The following ELMO1 variants were observed in gnomAD, a reference collection of about 807,000 sequenced individuals.
ELMO1 encodes the protein engulfment and cell motility protein 1.
A neutral mutation model predicts 98.9 loss-of-function variants in ELMO1; 26 were observed. That is an observed-to-expected ratio of 0.26 (90% CI 0.19 to 0.36). The LOEUF is 0.36. Ranked by LOEUF, ELMO1 falls within the 10% of genes least tolerant of loss-of-function variation. The probability of loss-of-function intolerance (pLI) is 1.00; values close to 1 mark genes in which losing one functional copy is unlikely to be tolerated. For synonymous variants in ELMO1, 346 were observed against 346.0 expected, an observed-to-expected ratio of 1.00 and a Z score of 0.00; for missense variants, 627 against 935.2, an observed-to-expected ratio of 0.67 and a Z score of 4.30.
intron 15 of ELMO1, among the ~76,000 whole-genome samples, chr7:37,051,637 C>T (rs928673061): frequency 1.3e-5 from 2 of 151,752 alleles, no homozygotes; most frequent in Non-Finnish European, 2.9e-5. Flanking sequence ...AAAGCATTTA[C>T]TAACTACATA....
chr7:37,370,311 C>T (rs984961012), intron 1 of ELMO1, among the ~76,000 whole-genome samples: 2 of 151,846 alleles, frequency 1.3e-5, no homozygotes, highest in East Asian at 1.9e-4. Flanking sequence ...CATTCATTTA[C>T]GGCTCTCCAC....
chr7:37,000,264 C>A (rs943366582), intron 16 of ELMO1, among the ~76,000 whole-genome samples: 5 of 152,174 alleles, frequency 3.3e-5, no homozygotes, highest in African/African-American at 4.8e-5. Context: ...AGGGAGCTTT[C>A]GGACAGAATC....
intron 4 of ELMO1, among the ~76,000 whole-genome samples, chr7:37,286,944 C>A (rs1797421234): frequency 6.6e-6 from 1 of 152,062 alleles, no homozygotes; most frequent in Admixed American, 6.5e-5. Flanking sequence ...CCTCTAATCC[C>A]AGCACTTTGG....
At chr7:37,404,052 C>G (rs188708556) in intron 1 of ELMO1, among the ~76,000 whole-genome samples, 11 of 151,818 alleles carry the variant, frequency 7.2e-5, no homozygotes, top group Admixed American at 2.0e-4. Flanking sequence ...TTCAGTAAAT[C>G]TAATACTTCT....
intron 13 of ELMO1, among the ~76,000 whole-genome samples, chr7:37,158,003 C>T (rs967151957): frequency 1.1e-4 from 17 of 152,128 alleles, no homozygotes; most frequent in Non-Finnish European, 1.5e-4. Flanking sequence ...TAACACCACA[C>T]ATCTACAACC....
At chr7:37,282,633 CA>C (rs1004651987) in intron 4 of ELMO1, among the ~76,000 whole-genome samples, 5 of 151,956 alleles carry the variant, frequency 3.3e-5, no homozygotes, top group African/African-American at 1.2e-4. Flanking sequence ...AAAAAAGAAA[CA>C]GGGGAAAAAA....
chr7:37,182,102 A>G (rs941542218), intron 13 of ELMO1, among the ~76,000 whole-genome samples: 2 of 152,168 alleles, frequency 1.3e-5, no homozygotes, highest in Non-Finnish European at 2.9e-5. Flanking sequence ...GTGACCAGCT[A>G]AGGCATGGGG....
rs773123827 is a variant in ELMO1 at position 37,259,151 on chromosome 7, G to A, written c.413+30C>T. 12 of 1,595,428 alleles carry A rather than the reference G, an allele frequency of 7.5e-6. No individual in the cohort carries two copies. In the African/African-American group the frequency reaches 1.5e-4, roughly 20 times the overall value. On this transcript the variant is annotated intron_variant, in intron 6 of 21. Transcript: ENST00000310758. The stretch of plus-strand genomic sequence containing the variant: ...TCAAAACGCGGAGACACGCAGGACA[G>A]CTGTGGAAGTTAGGAAAAAAGACGC...
rs370817144 is a variant in ELMO1 at position 37,342,724 on chromosome 7, A to G, written c.-34T>C. 1.9e-6 allele frequency: 3 copies of G among 1,585,738 alleles called. No homozygotes were observed. Among genetic ancestry groups the G allele is most frequent in the Non-Finnish European group, 2.6e-6 (3 of 1,164,126 alleles). ...CCCAAAATGTTCAAAGCCAGTGGGA[A>G]TGAGGATCCTACAGCGTAAACGGCC... On this transcript the variant is annotated 5_prime_UTR_variant, in exon 2 of 22. Coordinates refer to ENST00000310758, the MANE Select transcript of ELMO1 (RefSeq NM_014800.11). The surrounding 1 kb of genome is among the most constrained non-coding windows in gnomAD (Gnocchi z 4.3).
chr7:37,211,302 G>A (rs770706496), intron 13 of ELMO1, 84 bp downstream of exon 13: 94 of 1,591,620 alleles, frequency 5.9e-5, no homozygotes, highest in African/African-American at 1.2e-4. Context: ...AGGACCACAC[G>A]CTCGGAAGAG....
intron 16 of ELMO1, among the ~76,000 whole-genome samples, chr7:37,012,494 T>A (rs919500138): frequency 3.3e-5 from 5 of 152,222 alleles, no homozygotes; most frequent in Admixed American, 6.5e-5. Context: ...CAGTCACAGC[T>A]GTATATAGCA....
chr7:36,907,680 C>T (rs1784059786), intron 16 of ELMO1, among the ~76,000 whole-genome samples: 1 of 152,246 alleles, frequency 6.6e-6, no homozygotes. Flanking sequence ...CTCCCATTCT[C>T]TCACCCGAAT....
At chr7:37,127,646 G>A (rs550808157) in intron 14 of ELMO1, among the ~76,000 whole-genome samples, 4 of 152,276 alleles carry the variant, frequency 2.6e-5, no homozygotes, top group Admixed American at 6.5e-5. Context: ...CTGGCCAAAC[G>A]GGAAGGTGAA....
At chr7:37,326,401 A>T (rs1419882464) in intron 2 of ELMO1, among the ~76,000 whole-genome samples, 8 of 152,020 alleles carry the variant, frequency 5.3e-5, no homozygotes, top group Admixed American at 4.6e-4. Context: ...CTAAAAATAC[A>T]AAAATTAGCC....
chr7:37,222,741 G>A lies in ELMO1; in HGVS notation c.702-48C>T, dbSNP rs767910195. 1.8e-5 allele frequency: 29 copies of A among 1,580,964 alleles called. No homozygotes were observed. The African/African-American group carries it at 2.4e-4, about 13-fold the overall frequency. ...AGAAAATCAGAACACGAAGTCAGAA[G>A]AGGCTAGCCCTGGGTCAAACCATGA... On this transcript the variant is annotated intron_variant, in intron 9 of 21. Coordinates refer to ENST00000310758, the MANE Select transcript of ELMO1 (RefSeq NM_014800.11).
chr7:37,119,160 G>A (rs1305290166), intron 14 of ELMO1, among the ~76,000 whole-genome samples: 1 of 152,232 alleles, frequency 6.6e-6, no homozygotes, highest in Non-Finnish European at 1.5e-5. Flanking sequence ...ACATGTGATT[G>A]CTGTGATCAT....
At chr7:37,183,911 G>C (rs761357600) in intron 13 of ELMO1, among the ~76,000 whole-genome samples, 1 of 152,080 alleles carries the variant, frequency 6.6e-6, no homozygotes, top group Non-Finnish European at 1.5e-5. Context: ...TACAACTTCA[G>C]AAATTTTATT....
At chr7:36,913,802 A>G in intron 16 of ELMO1, among the ~76,000 whole-genome samples, 1 of 152,220 alleles carries the variant, frequency 6.6e-6, no homozygotes, top group East Asian at 1.9e-4. Context: ...ACTTGTGCTG[A>G]TAACAAAGCA....
intron 16 of ELMO1, among the ~76,000 whole-genome samples, chr7:36,897,839 G>A (rs4723590): frequency 0.84 from 128,585 of 152,210 alleles, 54,475 homozygotes; most frequent in East Asian, 0.99. Flanking sequence ...ATCACTTATA[G>A]TTCAGTTTGA....
Sources: allele counts gnomAD v4.1 joint callset (sites outside exome capture counted in the v4.1 genomes callset), GRCh38; gene constraint gnomAD v4.1.1; non-coding constraint Gnocchi (gnomAD v3.1); transcripts MANE v1.5; gene names NCBI Gene and HGNC (gene_info 2026-07-23, HGNC 2026-07-21).